The following ADAP1 variants were observed in gnomAD, a reference collection of about 807,000 sequenced individuals.
ADAP1 encodes the protein arf-GAP with dual PH domain-containing protein 1.
A neutral mutation model predicts 54.9 loss-of-function variants in ADAP1; 31 were observed. That is an observed-to-expected ratio of 0.56 (90% CI 0.42 to 0.76). The LOEUF (loss-of-function observed/expected upper bound fraction) is 0.76. Among genes scored for constraint, ADAP1 ranks in the 30% least tolerant of loss-of-function variants. The pLI is 0.00. For missense variants in ADAP1, 535 were observed against 512.4 expected (o/e 1.04, Z -0.42); for synonymous variants, 313 against 202.6 (o/e 1.55, Z -4.63).
Position 900,138 on chromosome 7 carries a change from G to A in ADAP1, c.759C>T (p.Tyr253=), listed in dbSNP as rs1314506320. The change falls in exon 8 of 11, where the codon TAC becomes TAT. Residue 253 remains tyrosine, a synonymous_variant. Coordinates refer to ENST00000265846, the MANE Select transcript of ADAP1 (RefSeq NM_006869.4). ...ADLVPKLSRN[Y]LKEGYMEKTG... ...TCTTCTCCATGTAGCCTTCCTTCAG[G>A]TAGTTCCTGGAGAGCTTTGGCACCA... 1 of 1,613,266 alleles carries A rather than the reference G, an allele frequency of 6.2e-7. No homozygotes were observed. Among genetic ancestry groups the A allele is most frequent in the South Asian group, 1.1e-5 (1 of 91,086 alleles).
At chr7:950,788 C>T (rs1201097887) in intron 1 of ADAP1, among the ~76,000 whole-genome samples, 1 of 138,706 alleles carries the variant, frequency 7.2e-6, no homozygotes, top group Non-Finnish European at 1.5e-5. Context: ...ACCCAGGAGG[C>T]AGAGGTTGCA....
At chr7:905,307 ACGGACGGGGAGAGG>A (rs1845077996) in intron 4 of ADAP1, 135 bp from the exon 5 acceptor site, 1 of 459,092 alleles carries the variant, frequency 2.2e-6, no homozygotes. Flanking sequence ...ACAGGGGGAG[ACGGACGGGGAGAGG>A]GGACATGGAG....
chr7:905,248 CAGAGGGG>C, intron 4 of ADAP1, 76 bp from the exon 5 acceptor site: 1 of 1,044,864 alleles, frequency 9.6e-7, no homozygotes. Context: ...ATGGACAGGA[CAGAGGGG>C]ACATGGGGAG....
At chr7:936,651 T>A (rs995029609) in intron 1 of ADAP1, among the ~76,000 whole-genome samples, 1 of 152,164 alleles carries the variant, frequency 6.6e-6, no homozygotes, top group Non-Finnish European at 1.5e-5. Context: ...CCCTTCACAA[T>A]AAGTCAAGGG....
chr7:914,816 C>T (rs1845865010), intron 4 of ADAP1, among the ~76,000 whole-genome samples: 1 of 152,176 alleles, frequency 6.6e-6, no homozygotes, highest in Admixed American at 6.5e-5. Context: ...TCACCGCCTG[C>T]TGGTCCCCAG....
At chr7:910,070 C>T (rs992610598) in intron 4 of ADAP1, among the ~76,000 whole-genome samples, 7 of 145,306 alleles carry the variant, frequency 4.8e-5, no homozygotes, top group Non-Finnish European at 1.1e-4. Context: ...AACCAGTGTG[C>T]ACACACAGGC....
intron 4 of ADAP1, among the ~76,000 whole-genome samples, chr7:906,709 CGGG>C (rs1562915358): frequency 0.012 from 500 of 41,592 alleles, 28 homozygotes; most frequent in African/African-American, 0.047. Context: ...ACATGGGGGA[CGGG>C]ACATCGGGGA....
chr7:915,734 G>A lies in ADAP1; in HGVS notation c.388+4234C>T, dbSNP rs78234549. On this transcript the variant is annotated intron_variant, in intron 4 of 10. Transcript: ENST00000265846. ...CAGCCTCGGGCCTGGGGCAGGAGGC[G>A]TCTTGGGTCACCAGGCCTGTCACCA... Among the ~76,000 whole-genome samples, 3,784 of 152,212 alleles carry A rather than the reference G, an allele frequency of 0.025. 261 individuals carry two copies. In the East Asian group the frequency reaches 0.27, roughly 11 times the overall value.
At chr7:900,235 C>T (rs1844721621) in intron 7 of ADAP1, 71 bp from the exon 8 acceptor site, 2 of 1,574,604 alleles carry the variant, frequency 1.3e-6, no homozygotes, top group Non-Finnish European at 1.7e-6. Flanking sequence ...TGGCTGTGCC[C>T]CTCTGTGCTC....
chr7:942,023 G>T lies in ADAP1; in HGVS notation c.83-6518C>A, dbSNP rs995425928. On this transcript the variant is annotated intron_variant, in intron 1 of 10. Coordinates refer to ENST00000265846, the MANE Select transcript of ADAP1 (RefSeq NM_006869.4). ...ATGTGGACAACTAATTATCGGCAAA[G>T]ATATAAAGCCAGTTCTGGAGAGAGC... is the stretch of plus-strand genomic sequence containing the variant. Among the ~76,000 whole-genome samples the T allele has an allele frequency of 3.9e-5, 6 of 152,316 alleles. No homozygotes were observed. In the East Asian group the frequency reaches 1.2e-3, roughly 29 times the overall value.
chr7:903,897 C>G (rs1415396732), intron 6 of ADAP1: 1 of 516,270 alleles, frequency 1.9e-6, no homozygotes, highest in East Asian at 4.0e-5. Context: ...CCCTGGGAAG[C>G]TGCCTTCCTG....
At chr7:948,151 C>T (rs532208141) in intron 1 of ADAP1, among the ~76,000 whole-genome samples, 1 of 152,038 alleles carries the variant, frequency 6.6e-6, no homozygotes, top group Non-Finnish European at 1.5e-5. Context: ...ACCCCCGAGC[C>T]CCAGCCCCCA....
intron 7 of ADAP1, 66 bp from the exon 8 acceptor site, chr7:900,230 G>A (rs1423580015): frequency 7.0e-6 from 11 of 1,580,444 alleles, no homozygotes; most frequent in East Asian, 2.2e-5. Flanking sequence ...CTCCCTGGCT[G>A]TGCCCCTCTG....
intron 6 of ADAP1, chr7:900,893 CGGGCCGGGCT>C (rs1554270397): frequency 1.4e-4 from 83 of 592,394 alleles, no homozygotes; most frequent in Admixed American, 9.8e-4. Flanking sequence ...AGGGCCGGGC[CGGGCCGGGCT>C]GGACAGGGTC....
intron 4 of ADAP1, among the ~76,000 whole-genome samples, chr7:912,493 G>A (rs919862667): frequency 4.6e-5 from 7 of 152,190 alleles, no homozygotes; most frequent in Non-Finnish European, 7.4e-5. Context: ...CGGCGCAGAG[G>A]GTGGGGGAGC....
chr7:899,488 T>A lies in ADAP1; in HGVS notation c.798A>T (p.Gln266His). Residue 266 changes from glutamine (Q) to histidine (H), a missense_variant and splice_region_variant, in exon 9 of 11, where the codon CAA becomes CAT. Coordinates refer to ENST00000265846, the MANE Select transcript of ADAP1 (RefSeq NM_006869.4). ...ACCAGCGCTTCCGGAAGCCTTCCGT[T>A]TGCTGTGGGTCAGAGAGGGCCCGTG... The part of the protein sequence containing the change: ...EGYMEKTGPK[Q>H]TEGFRKRWFT... 1.9e-6 allele frequency: 3 copies of A among 1,612,798 alleles called. No individual in the cohort carries two copies. The highest frequency in any genetic ancestry group is 2.5e-6 in the Non-Finnish European group (3 of 1,179,790).
chr7:914,161 G>C (rs1435313813), intron 4 of ADAP1, among the ~76,000 whole-genome samples: 1 of 152,164 alleles, frequency 6.6e-6, no homozygotes, highest in East Asian at 1.9e-4. Flanking sequence ...AGGAGTTCTT[G>C]GTTCCGGCTC....
Position 926,461 on chromosome 7 carries a change from AC to A in ADAP1, c.305+91del. On this transcript the variant is annotated intron_variant, in intron 3 of 10. Transcript: ENST00000265846. This position sits in a 1 kb window ranked among gnomAD's most constrained non-coding sequence, Gnocchi z 4.6. ...GCTTCTCCCCGACCCTGTGGGCGGCACCCAACTCCCCACCCTGCCGGGTCCT... is the reference window on the plus strand; with the variant it reads ...GCTTCTCCCCGACCCTGTGGGCGGCACCAACTCCCCACCCTGCCGGGTCCT... 9.1e-7 allele frequency: 1 copy of A among 1,102,798 alleles called. No homozygotes were observed. The highest frequency in any genetic ancestry group is 1.6e-5 in the South Asian group (1 of 64,418). The allele number at this position is 1,102,798 out of a possible 1,614,324, so 68.3% of individuals were successfully genotyped here. A position where few individuals can be genotyped will look rare whatever the true frequency, so the allele number is the denominator to read the frequency against.
intron 4 of ADAP1, among the ~76,000 whole-genome samples, chr7:905,905 GAAAGGGAAAGGAGA>G (rs1562913207): frequency 0.024 from 540 of 22,392 alleles, 71 homozygotes; most frequent in South Asian, 0.044. Flanking sequence ...GGAGAAAGGA[GAAAGGGAAAGGAGA>G]AAGGGAGAAA....
Sources: allele counts gnomAD v4.1 joint callset (sites outside exome capture counted in the v4.1 genomes callset), GRCh38; gene constraint gnomAD v4.1.1; non-coding constraint Gnocchi (gnomAD v3.1); transcripts MANE v1.5; gene names NCBI Gene and HGNC (gene_info 2026-07-23, HGNC 2026-07-21).